The following TYW1B variants were observed in gnomAD, a reference collection of about 807,000 sequenced individuals.
TYW1B encodes tRNA-yW synthesizing protein 1 homolog B.
A neutral mutation model predicts 86.9 loss-of-function variants in TYW1B; 73 were observed. The observed-to-expected ratio is 0.84, with a 90% CI of 0.70 to 1.02. The LOEUF is 1.02. Among genes scored for constraint, TYW1B ranks in the 50% least tolerant of loss-of-function variants. The pLI, the probability that TYW1B is intolerant of heterozygous loss-of-function variation, is 0.00. For missense variants in TYW1B, 637 were observed against 827.4 expected (o/e 0.77, Z 2.82); for synonymous variants, 248 against 292.8 (o/e 0.85, Z 1.56).
chr7:72,739,339 C>T (rs1428195902), intron 8 of TYW1B, among the ~76,000 whole-genome samples: 1 of 151,994 alleles, frequency 6.6e-6, no homozygotes, highest in Non-Finnish European at 1.5e-5. Flanking sequence ...GGCGCAGTGG[C>T]TCACTCCTGT....
At chr7:72,770,916 A>G (rs1441432404) in intron 7 of TYW1B, among the ~76,000 whole-genome samples, 1 of 150,704 alleles carries the variant, frequency 6.6e-6, no homozygotes, top group Non-Finnish European at 1.5e-5. Context: ...CAGTTGCAAA[A>G]GACTGCACAT....
chr7:72,721,163 G>A (rs1413135375), intron 9 of TYW1B, among the ~76,000 whole-genome samples: 3 of 152,116 alleles, frequency 2.0e-5, no homozygotes, highest in Non-Finnish European at 4.4e-5. Flanking sequence ...GGACATTTGG[G>A]TTGGCCAAGT....
intron 11 of TYW1B, among the ~76,000 whole-genome samples, chr7:72,633,298 T>C (rs1554440277): frequency 6.6e-6 from 1 of 152,224 alleles, no homozygotes; most frequent in East Asian, 1.9e-4. Flanking sequence ...TGCAAGGAGC[T>C]GTACCCTTCA....
chr7:72,823,584 C>G (rs1290825220), intron 2 of TYW1B, among the ~76,000 whole-genome samples: 2 of 151,826 alleles, frequency 1.3e-5, no homozygotes, highest in African/African-American at 2.4e-5. Context: ...CGCGCCACTG[C>G]ACTCCAGCCT....
intron 10 of TYW1B, among the ~76,000 whole-genome samples, chr7:72,712,043 T>G (rs2129570697): frequency 6.6e-6 from 1 of 152,142 alleles, no homozygotes; most frequent in Middle Eastern, 3.4e-3. Context: ...TTACAGCATG[T>G]GCCTAGTCCC....
intron 13 of TYW1B, among the ~76,000 whole-genome samples, chr7:72,600,005 T>C (rs1554433394): frequency 6.6e-6 from 1 of 152,118 alleles, no homozygotes; most frequent in African/African-American, 2.4e-5. Flanking sequence ...AGTGATTTTG[T>C]AGACATTGAC....
intron 11 of TYW1B, among the ~76,000 whole-genome samples, chr7:72,642,114 A>G (rs571255201): frequency 2.0e-5 from 3 of 152,308 alleles, no homozygotes; most frequent in African/African-American, 7.2e-5. Flanking sequence ...GTACAAAGAC[A>G]ATTCAATGGG....
chr7:72,821,960 T>C (rs574160507), intron 2 of TYW1B, among the ~76,000 whole-genome samples: 1 of 151,628 alleles, frequency 6.6e-6, no homozygotes, highest in East Asian at 1.9e-4. Context: ...GAAACAGAAA[T>C]TTAGGGCCAG....
chr7:72,661,923 TC>T (rs1212384345), intron 11 of TYW1B, among the ~76,000 whole-genome samples: 3 of 151,892 alleles, frequency 2.0e-5, no homozygotes, highest in African/African-American at 4.8e-5. Context: ...CTTCCCTATT[TC>T]CCTTTCAGAG....
At chr7:72,784,364 G>A (rs1554472105) in intron 6 of TYW1B, among the ~76,000 whole-genome samples, 1 of 152,186 alleles carries the variant, frequency 6.6e-6, no homozygotes, top group Non-Finnish European at 1.5e-5. Context: ...ATCTGATGAT[G>A]GACAAATTGC....
Position 72,815,485 on chromosome 7 carries a change from A to G in TYW1B, c.136-4T>C. The G allele has an allele frequency of 6.2e-7, 1 of 1,602,950 alleles. No individual in the cohort carries two copies. Reference sequence around the variant, plus strand: ...CAGCAAGAACTGTTGCAAATCCCTAATAGGACAAAAAAAAACTTCAAATAA... The same window carrying G: ...CAGCAAGAACTGTTGCAAATCCCTAGTAGGACAAAAAAAAACTTCAAATAA... On this transcript the variant is annotated splice_polypyrimidine_tract_variant and splice_region_variant and intron_variant, in intron 2 of 13. Transcript: ENST00000620995.
chr7:72,722,985 A>G (rs1406295218), intron 9 of TYW1B: 25 of 691,938 alleles, frequency 3.6e-5, no homozygotes, highest in Admixed American at 2.2e-4. Context: ...TGCACTGGAT[A>G]CCTAAGCCTT....
At chr7:72,624,523 GCTC>G (rs782314706) in intron 12 of TYW1B, among the ~76,000 whole-genome samples, 56 of 152,286 alleles carry the variant, frequency 3.7e-4, no homozygotes, top group Non-Finnish European at 4.3e-4. Context: ...GTAGCAGTAT[GCTC>G]TATTCTGTAA....
chr7:72,824,107 A>C (rs1429703098), intron 2 of TYW1B, among the ~76,000 whole-genome samples: 10 of 152,046 alleles, frequency 6.6e-5, no homozygotes, highest in East Asian at 5.8e-4. Context: ...GTTTAACTTA[A>C]CAACTGACCT....
At chr7:72,674,767 T>TC (rs1813697421) in intron 11 of TYW1B, among the ~76,000 whole-genome samples, 1 of 150,598 alleles carries the variant, frequency 6.6e-6, no homozygotes, top group Admixed American at 6.6e-5. Context: ...CTCTTTTTTT[T>TC]TTTTTTTTTT....
At chr7:72,746,351 C>G (rs1412427094) in intron 7 of TYW1B, among the ~76,000 whole-genome samples, 1 of 152,060 alleles carries the variant, frequency 6.6e-6, no homozygotes, top group East Asian at 1.9e-4. Context: ...TACAAGGCAG[C>G]AAACAAAACA....
chr7:72,766,377 G>A (rs1554468343), intron 7 of TYW1B, among the ~76,000 whole-genome samples: 1 of 151,844 alleles, frequency 6.6e-6, no homozygotes, highest in Non-Finnish European at 1.5e-5. Flanking sequence ...CCTTTGGGAG[G>A]CCAAGGCGGG....
intron 9 of TYW1B, among the ~76,000 whole-genome samples, chr7:72,728,560 G>A (rs1787047520): frequency 6.6e-6 from 1 of 152,166 alleles, no homozygotes; most frequent in Non-Finnish European, 1.5e-5. Flanking sequence ...GCCCGCCTCG[G>A]CCTCCCAAAG....
chr7:72,578,235 T>G (rs1811072470), intron 13 of TYW1B, among the ~76,000 whole-genome samples: 1 of 151,230 alleles, frequency 6.6e-6, no homozygotes, highest in Non-Finnish European at 1.5e-5. Flanking sequence ...TGCCTCAGCC[T>G]CCCGAGTAGC....
Sources: gnomAD v4.1 joint callset for allele counts (sites outside exome capture counted in the v4.1 genomes callset) on GRCh38, gnomAD v4.1.1 for gene constraint, MANE v1.5 for transcripts, NCBI Gene and HGNC (gene_info 2026-07-23, HGNC 2026-07-21) for gene names.